The following ADAMTSL1 variants were observed in gnomAD, a reference collection of about 807,000 sequenced individuals.
ADAMTSL1 encodes ADAMTS like 1, also known as ADAMTS-like protein 1.
In ADAMTSL1, 126 loss-of-function variants were observed where a neutral mutation model predicts 201.8. The observed-to-expected ratio is 0.62, with a 90% CI of 0.54 to 0.72. The LOEUF is 0.72. ADAMTSL1 is among the 30% of genes least tolerant of loss of function. The probability of loss-of-function intolerance (pLI) is 0.00; values close to 1 mark genes in which losing one functional copy is unlikely to be tolerated. For missense variants in ADAMTSL1, 2,679 were observed against 2,277.8 expected (o/e 1.18, Z -3.59); for synonymous variants, 1,121 against 903.4 (o/e 1.24, Z -4.32).
chr9:18,231,517 G>A (rs1212749099), intron 2 of ADAMTSL1, among the ~76,000 whole-genome samples: 1 of 152,036 alleles, frequency 6.6e-6, no homozygotes, highest in African/African-American at 2.4e-5. Flanking sequence ...AGTTTCCTTT[G>A]CCTGTTCCTC....
At chr9:18,405,499 C>T (rs1307308585) in intron 2 of ADAMTSL1, among the ~76,000 whole-genome samples, 1 of 151,978 alleles carries the variant, frequency 6.6e-6, no homozygotes, top group African/African-American at 2.4e-5. Context: ...CATTGGGCCA[C>T]CCTGGAATGC....
At chr9:18,409,131 C>T (rs1238788785) in intron 2 of ADAMTSL1, among the ~76,000 whole-genome samples, 1 of 151,864 alleles carries the variant, frequency 6.6e-6, no homozygotes, top group East Asian at 1.9e-4. Flanking sequence ...CACCTGTAAT[C>T]CCAGCACTCC....
intron 2 of ADAMTSL1, among the ~76,000 whole-genome samples, chr9:18,520,363 A>C (rs1030880426): frequency 1.3e-5 from 2 of 152,240 alleles, no homozygotes; most frequent in Non-Finnish European, 2.9e-5. Flanking sequence ...CTCTGGATAT[A>C]CATAAATCAG....
chr9:18,107,594 G>A (rs1215219613), intron 1 of ADAMTSL1, among the ~76,000 whole-genome samples: 1 of 151,956 alleles, frequency 6.6e-6, no homozygotes, highest in African/African-American at 2.4e-5. Flanking sequence ...AAAAGGATAT[G>A]GACTCAAAGG....
chr9:17,945,847 A>G (rs1283835999), intron 1 of ADAMTSL1, among the ~76,000 whole-genome samples: 1 of 148,990 alleles, frequency 6.7e-6, no homozygotes, highest in Non-Finnish European at 1.5e-5. Context: ...GGATAGCTTT[A>G]GGAGATATAC....
chr9:18,824,191 T>TA (rs397764753), intron 21 of ADAMTSL1, among the ~76,000 whole-genome samples: 3 of 151,404 alleles, frequency 2.0e-5, no homozygotes, highest in East Asian at 1.9e-4. Context: ...TTTTTTTTTT[T>TA]AAATGGGAAA....
At chr9:18,416,325 A>G (rs1472007402) in intron 2 of ADAMTSL1, among the ~76,000 whole-genome samples, 1 of 151,888 alleles carries the variant, frequency 6.6e-6, no homozygotes. Flanking sequence ...TAAAGCAACC[A>G]CTAAACTAAC....
chr9:18,312,876 C>T (rs1468110767), intron 2 of ADAMTSL1, among the ~76,000 whole-genome samples: 2 of 152,170 alleles, frequency 1.3e-5, no homozygotes, highest in African/African-American at 4.8e-5. Context: ...GAATGATGTG[C>T]TGCTTCTGGC....
rs558538920 is a variant in ADAMTSL1 at position 18,572,653 on chromosome 9, T to C, written c.238-1377T>C. Among the ~76,000 whole-genome samples the C allele has an allele frequency of 3.6e-4, 55 of 152,320 alleles. No individual in the cohort carries two copies. The South Asian group carries it at 0.01, about 28-fold the overall frequency. ...CCCCACATTGCCTAGAAAGAATTTG[T>C]GCTCCCTCAACTACCAGAGCGTTAT... On this transcript the variant is annotated intron_variant, in intron 3 of 28. Coordinates refer to ENST00000380548, the MANE Select transcript of ADAMTSL1 (RefSeq NM_001040272.6).
At chr9:18,656,093 C>T (rs906447003) in intron 7 of ADAMTSL1, among the ~76,000 whole-genome samples, 27 of 152,044 alleles carry the variant, frequency 1.8e-4, no homozygotes, top group Non-Finnish European at 1.8e-4. Flanking sequence ...TCTCTTCCTT[C>T]TTTCCACCCC....
intron 2 of ADAMTSL1, among the ~76,000 whole-genome samples, chr9:18,403,915 A>AG (rs1818081516): frequency 6.6e-6 from 1 of 152,166 alleles, no homozygotes; most frequent in African/African-American, 2.4e-5. Flanking sequence ...GGGGGAGGGC[A>AG]GGGGTTATAG....
At chr9:18,818,841 A>G (rs1017531429) in intron 21 of ADAMTSL1, among the ~76,000 whole-genome samples, 2 of 152,222 alleles carry the variant, frequency 1.3e-5, no homozygotes, top group African/African-American at 2.4e-5. Flanking sequence ...GTAAGTGTGC[A>G]TTAGCTTTGC....
At chr9:18,753,212 G>A (rs1036105602) in intron 15 of ADAMTSL1, 86 bp from the exon 16 acceptor site, 37 of 1,327,276 alleles carry the variant, frequency 2.8e-5, no homozygotes, top group Middle Eastern at 3.7e-4. Context: ...TCCCAGTTAG[G>A]GGTTTTAACT....
At chr9:18,110,177 C>T (rs957592828) in intron 1 of ADAMTSL1, among the ~76,000 whole-genome samples, 6 of 152,156 alleles carry the variant, frequency 3.9e-5, no homozygotes, top group African/African-American at 1.4e-4. Context: ...CCTGAGGGCT[C>T]CATTTCTCTG....
chr9:18,331,025 G>A lies in ADAMTSL1; in HGVS notation c.207+167044G>A, dbSNP rs545185101. On this transcript the variant is annotated intron_variant, in intron 2 of 29. Coordinates refer to the ADAMTSL1 transcript ENST00000680146. ...TTCAGCCTCAATTGGGTATGGCATA[G>A]TCAGGGCATATTTCACGTGTAGGTT... is the stretch of plus-strand genomic sequence containing the variant. Among the ~76,000 whole-genome samples the A allele has an allele frequency of 3.3e-5, 5 of 152,316 alleles. No individual in the cohort carries two copies. In the East Asian group the frequency reaches 9.7e-4, roughly 29 times the overall value.
At chr9:18,076,094 A>G (rs1823212084) in intron 1 of ADAMTSL1, among the ~76,000 whole-genome samples, 3 of 152,232 alleles carry the variant, frequency 2.0e-5, no homozygotes, top group African/African-American at 7.2e-5. Context: ...TTCTCTAAAC[A>G]ATGTGCCAAT....
At chr9:18,382,817 T>C (rs886261148) in intron 2 of ADAMTSL1, among the ~76,000 whole-genome samples, 4 of 152,206 alleles carry the variant, frequency 2.6e-5, no homozygotes, top group Admixed American at 2.6e-4. Context: ...TTCTAAGTTA[T>C]GATGAACAAT....
At chr9:18,456,556 T>C (rs1250410986) in intron 2 of ADAMTSL1, among the ~76,000 whole-genome samples, 3 of 152,230 alleles carry the variant, frequency 2.0e-5, no homozygotes, top group Admixed American at 6.5e-5. Context: ...GCCCTTCCCT[T>C]AGTACCTAAT....
At chr9:18,834,929 A>G (rs878931477) in intron 23 of ADAMTSL1, among the ~76,000 whole-genome samples, 1 of 152,190 alleles carries the variant, frequency 6.6e-6, no homozygotes, top group African/African-American at 2.4e-5. Context: ...TGTGAAATTC[A>G]TGTACATTAA....
Sources: gnomAD v4.1 joint callset for allele counts (sites outside exome capture counted in the v4.1 genomes callset) on GRCh38, gnomAD v4.1.1 for gene constraint, MANE v1.5 for transcripts, NCBI Gene and HGNC (gene_info 2026-07-23, HGNC 2026-07-21) for gene names.